Variants in ITPK1 observed in about 807,000 individuals in gnomAD.
ITPK1 encodes inositol-tetrakisphosphate 1-kinase.
A neutral mutation model predicts 45.3 loss-of-function variants in ITPK1; 21 were observed. The ratio of observed to expected loss-of-function variants is 0.46; its 90% CI spans 0.33 to 0.67. ITPK1 has a LOEUF of 0.67. Ranked by LOEUF, ITPK1 falls within the 30% of genes least tolerant of loss-of-function variation. The pLI is 0.02. For missense variants in ITPK1, 474 were observed against 573.5 expected (o/e 0.83, Z 1.77); for synonymous variants, 258 against 253.6 (o/e 1.02, Z -0.16).
intron 2 of ITPK1, among the ~76,000 whole-genome samples, chr14:93,077,401 T>G (rs1049434606): frequency 3.3e-4 from 50 of 152,232 alleles, no homozygotes; most frequent in South Asian, 1.7e-3. Flanking sequence ...CACTACAACC[T>G]CCGCCTCCCG....
chr14:92,948,300 T>C (rs934391516), intron 9 of ITPK1, among the ~76,000 whole-genome samples: 3 of 152,188 alleles, frequency 2.0e-5, no homozygotes, highest in Admixed American at 1.3e-4. Context: ...AAGGTACTAA[T>C]TGCCACTGAA....
chr14:93,089,953 G>A (rs779801459), intron 2 of ITPK1, among the ~76,000 whole-genome samples: 3 of 152,162 alleles, frequency 2.0e-5, no homozygotes, highest in Admixed American at 6.5e-5. Context: ...CCAGAAGAGC[G>A]GAAGAACTGA....
chr14:93,060,242 G>C (rs1400294704), intron 3 of ITPK1, among the ~76,000 whole-genome samples: 1 of 152,172 alleles, frequency 6.6e-6, no homozygotes, highest in Non-Finnish European at 1.5e-5. Flanking sequence ...TGCCTCACCA[G>C]CCCCCGCTGC....
chr14:93,109,009 T>A (rs901868495), intron 2 of ITPK1, among the ~76,000 whole-genome samples: 1 of 152,146 alleles, frequency 6.6e-6, no homozygotes, highest in Non-Finnish European at 1.5e-5. Context: ...GGAGACTCTG[T>A]CTCACACATA....
intron 2 of ITPK1, among the ~76,000 whole-genome samples, chr14:93,088,330 GGTTTT>G (rs1167736122): frequency 3.0e-5 from 4 of 132,844 alleles, no homozygotes; most frequent in African/African-American, 1.0e-4. Context: ...TTTCTTTTTT[GGTTTT>G]GTTTTGTTTT....
chr14:92,947,732 T>TCA (rs1366892918), intron 9 of ITPK1, among the ~76,000 whole-genome samples: 1 of 152,102 alleles, frequency 6.6e-6, no homozygotes, highest in East Asian at 1.9e-4. Context: ...GCTCAATAAA[T>TCA]AGTGAAGTTT....
chr14:93,018,585 G>C (rs1009913840), intron 3 of ITPK1, among the ~76,000 whole-genome samples: 1 of 152,144 alleles, frequency 6.6e-6, no homozygotes, highest in Non-Finnish European at 1.5e-5. Context: ...AAGGAATGCT[G>C]TTCCCTCCCC....
intron 2 of ITPK1, among the ~76,000 whole-genome samples, chr14:93,077,610 G>C (rs943265969): frequency 6.6e-6 from 1 of 152,200 alleles, no homozygotes; most frequent in Admixed American, 6.5e-5. Context: ...GAGCCACCAC[G>C]TCCAGCCTCC....
intron 3 of ITPK1, among the ~76,000 whole-genome samples, chr14:93,048,371 A>C (rs1176613970): frequency 6.6e-6 from 1 of 152,218 alleles, no homozygotes; most frequent in Non-Finnish European, 1.5e-5. Flanking sequence ...ATGAGTGAAG[A>C]TGTGTCTGGT....
At position 92,938,905 on chromosome 14, in the gene ITPK1, C is replaced by G; in HGVS notation, c.*2656G>C. 3.6e-6 allele frequency: 1 copy of G among 279,460 alleles called. No individual in the cohort carries two copies. The highest frequency in any genetic ancestry group is 6.8e-6 in the Non-Finnish European group (1 of 147,446). The allele number at this position is 279,460 out of a possible 1,614,324, so 17.3% of individuals were successfully genotyped here. Reference sequence around the variant, plus strand: ...TGCTCAATGCAGACTGTGCAGGTGACCCTCTGAAACTACCCAAGGACTCAG... The same window carrying G: ...TGCTCAATGCAGACTGTGCAGGTGAGCCTCTGAAACTACCCAAGGACTCAG... On this transcript the variant is annotated 3_prime_UTR_variant, in exon 11 of 11. Transcript: ENST00000267615.
intron 8 of ITPK1, among the ~76,000 whole-genome samples, chr14:92,954,277 C>G (rs1566693155): frequency 6.6e-6 from 1 of 152,224 alleles, no homozygotes; most frequent in Non-Finnish European, 1.5e-5. Context: ...CTCAGTTCCT[C>G]TCTATGTGCG....
At chr14:93,040,897 A>C (rs1889531777) in intron 3 of ITPK1, among the ~76,000 whole-genome samples, 1 of 152,152 alleles carries the variant, frequency 6.6e-6, no homozygotes, top group Non-Finnish European at 1.5e-5. Flanking sequence ...CACCTCACCA[A>C]GGCCCCGTCT....
chr14:93,091,287 C>A (rs1226956825), intron 2 of ITPK1, among the ~76,000 whole-genome samples: 3 of 152,188 alleles, frequency 2.0e-5, no homozygotes, highest in Admixed American at 6.5e-5. Context: ...TACTCAGGCC[C>A]CTGCAGGCAA....
chr14:92,960,252 T>G (rs555223162), intron 7 of ITPK1, among the ~76,000 whole-genome samples: 1 of 152,212 alleles, frequency 6.6e-6, no homozygotes, highest in Non-Finnish European at 1.5e-5. Context: ...GATTTATAGC[T>G]TCCCCTGAGC....
At chr14:93,010,399 G>A (rs922636489) in intron 4 of ITPK1, among the ~76,000 whole-genome samples, 3 of 152,348 alleles carry the variant, frequency 2.0e-5, no homozygotes, top group East Asian at 1.9e-4. Context: ...AACGTGAACC[G>A]CGGCCTTGGG....
chr14:93,048,038 T>C (rs1204819352), intron 3 of ITPK1, among the ~76,000 whole-genome samples: 1 of 152,258 alleles, frequency 6.6e-6, no homozygotes, highest in Non-Finnish European at 1.5e-5. Flanking sequence ...ATTCTATTTA[T>C]TGACATTTCC....
chr14:92,947,183 A>C (rs12881892), intron 9 of ITPK1, among the ~76,000 whole-genome samples: 16,221 of 152,272 alleles, frequency 0.11, 909 homozygotes, highest in South Asian at 0.23. Context: ...CTTCCTTCCC[A>C]AAAAATGCTG....
rs1354672766 is a variant in ITPK1, at chr14:93,076,430, G to A, written c.120+165C>T. 6.6e-6 allele frequency among the ~76,000 whole-genome samples: 1 copy of A among 152,062 alleles called. No individual in the cohort carries two copies. Among genetic ancestry groups the A allele is most frequent in the East Asian group, 1.9e-4 (1 of 5,176 alleles). ...AGAAGCCCCTGTCGGAGTCTGCCCA[G>A]GCCAGGGCAGAAACCACATCAAATC... On this transcript the variant is annotated intron_variant, in intron 3 of 10. Coordinates refer to ENST00000267615, the MANE Select transcript of ITPK1 (RefSeq NM_014216.6). This position sits in a 1 kb window ranked among gnomAD's most constrained non-coding sequence, Gnocchi z 4.3.
intron 5 of ITPK1, among the ~76,000 whole-genome samples, chr14:92,981,940 G>A (rs997979134): frequency 6.6e-6 from 1 of 152,238 alleles, no homozygotes; most frequent in Admixed American, 6.5e-5. Context: ...TTCCAGATAG[G>A]CAGAACACCA....
Sources: gnomAD v4.1 joint callset for allele counts (sites outside exome capture counted in the v4.1 genomes callset) on GRCh38, gnomAD v4.1.1 for gene constraint, Gnocchi (gnomAD v3.1) non-coding constraint, MANE v1.5 for transcripts, NCBI Gene and HGNC (gene_info 2026-07-23, HGNC 2026-07-21) for gene names.